AGBL4: variants seen among roughly 807,000 people sequenced by gnomAD.
The protein encoded by AGBL4 is cytosolic carboxypeptidase 6.
AGBL4 carries 58 observed loss-of-function variants against 66.4 expected under a neutral mutation model. That is an observed-to-expected ratio of 0.87 (90% CI 0.71 to 1.09). The LOEUF (loss-of-function observed/expected upper bound fraction) is 1.09, where lower values mean the gene tolerates loss of function less well. Among genes scored for constraint, AGBL4 ranks in the 50% least tolerant of loss-of-function variants. AGBL4 has a pLI of 0.00. For synonymous variants in AGBL4, 234 were observed against 222.9 expected, an observed-to-expected ratio of 1.05 and a Z score of -0.44; for missense variants, 579 against 631.0, an observed-to-expected ratio of 0.92 and a Z score of 0.88.
intron 4 of AGBL4, among the ~76,000 whole-genome samples, chr1:49,169,651 A>C (rs1320430793): frequency 6.6e-6 from 1 of 152,196 alleles, no homozygotes; most frequent in Non-Finnish European, 1.5e-5. Flanking sequence ...CATCCTGCTT[A>C]GGGGATGAAG....
intron 8 of AGBL4, chr1:48,647,620 CA>C: frequency 2.2e-6 from 1 of 453,024 alleles, no homozygotes; most frequent in South Asian, 1.6e-5. Context: ...TTAAGAAATG[CA>C]AACCCAACAC....
chr1:49,094,025 T>A (rs1159152208), intron 4 of AGBL4, among the ~76,000 whole-genome samples: 1 of 152,142 alleles, frequency 6.6e-6, no homozygotes, highest in Non-Finnish European at 1.5e-5. Context: ...ACAGAAAGTG[T>A]GACTTTTCGC....
intron 6 of AGBL4, among the ~76,000 whole-genome samples, chr1:48,786,229 T>A (rs1291678399): frequency 1.3e-5 from 2 of 152,230 alleles, no homozygotes; most frequent in Admixed American, 1.3e-4. Flanking sequence ...TGATAGGAAC[T>A]GTACTAACTG....
chr1:49,033,950 C>T (rs754668156), intron 5 of AGBL4, among the ~76,000 whole-genome samples: 52 of 151,774 alleles, frequency 3.4e-4, no homozygotes, highest in Non-Finnish European at 6.9e-4. Flanking sequence ...TAAAAGGCAT[C>T]CTAGTCCCAC....
At chr1:49,690,813 T>G (rs1425205962) in intron 3 of AGBL4, among the ~76,000 whole-genome samples, 1 of 152,164 alleles carries the variant, frequency 6.6e-6, no homozygotes, top group Non-Finnish European at 1.5e-5. Flanking sequence ...AGGCATTAAA[T>G]TTAGTGTTTT....
At chr1:49,578,461 T>C (rs1040686341) in intron 3 of AGBL4, among the ~76,000 whole-genome samples, 10 of 152,134 alleles carry the variant, frequency 6.6e-5, no homozygotes, top group Non-Finnish European at 1.0e-4. Context: ...GAATACAGAA[T>C]GGGTAGTCAT....
intron 3 of AGBL4, among the ~76,000 whole-genome samples, chr1:49,602,580 A>T (rs1644980505): frequency 6.6e-6 from 1 of 152,120 alleles, no homozygotes; most frequent in Admixed American, 6.6e-5. Context: ...TTCTCAGCAA[A>T]CTAACACAAG....
intron 6 of AGBL4, among the ~76,000 whole-genome samples, chr1:48,836,265 T>TC (rs1390601732): frequency 7.4e-6 from 1 of 134,890 alleles, no homozygotes; most frequent in Non-Finnish European, 1.5e-5. Flanking sequence ...AGCATCCCTC[T>TC]CACCCACCAG....
chr1:49,337,436 C>T (rs1645459050), intron 3 of AGBL4, among the ~76,000 whole-genome samples: 1 of 152,210 alleles, frequency 6.6e-6, no homozygotes, highest in South Asian at 2.1e-4. Context: ...AAGCCATTAA[C>T]ACCATACAAT....
intron 6 of AGBL4, among the ~76,000 whole-genome samples, chr1:48,672,871 C>A (rs992488616): frequency 6.6e-5 from 10 of 152,180 alleles, no homozygotes; most frequent in African/African-American, 2.4e-4. Context: ...GGTTACAATA[C>A]AACAGTCAAG....
At chr1:49,950,827 C>G (rs1440897261) in intron 1 of AGBL4, among the ~76,000 whole-genome samples, 1 of 151,734 alleles carries the variant, frequency 6.6e-6, no homozygotes, top group Non-Finnish European at 1.5e-5. Flanking sequence ...AATATGGAAT[C>G]AACCCAAGTG....
At chr1:48,641,769 C>G (rs758578296) in intron 8 of AGBL4, among the ~76,000 whole-genome samples, 1 of 152,142 alleles carries the variant, frequency 6.6e-6, no homozygotes, top group Non-Finnish European at 1.5e-5. Context: ...AGAGGCAGAG[C>G]TTGAACCCAG....
At chr1:49,745,080 TAAATGG>T (rs1558215150) in intron 2 of AGBL4, among the ~76,000 whole-genome samples, 1 of 152,112 alleles carries the variant, frequency 6.6e-6, no homozygotes, top group Non-Finnish European at 1.5e-5. Context: ...AAATTAAATG[TAAATGG>T]ATTAAGCACT....
At chr1:48,982,701 C>T (rs1659875586) in intron 5 of AGBL4, among the ~76,000 whole-genome samples, 2 of 152,022 alleles carry the variant, frequency 1.3e-5, no homozygotes, top group Admixed American at 1.3e-4. Context: ...ATTTATAATC[C>T]TTTGGGTATA....
chr1:49,673,606 T>A (rs999315383), intron 3 of AGBL4, among the ~76,000 whole-genome samples: 2 of 152,162 alleles, frequency 1.3e-5, no homozygotes, highest in Non-Finnish European at 2.9e-5. Flanking sequence ...AAACTTTTTT[T>A]AAATATTAAA....
intron 9 of AGBL4, among the ~76,000 whole-genome samples, chr1:48,602,685 G>T (rs866942821): frequency 2.0e-5 from 3 of 152,258 alleles, no homozygotes; most frequent in South Asian, 4.1e-4. Flanking sequence ...AAATAAAATG[G>T]TTCCTATCTG....
At chr1:49,606,390 G>A (rs1223947264) in intron 3 of AGBL4, among the ~76,000 whole-genome samples, 9 of 152,062 alleles carry the variant, frequency 5.9e-5, no homozygotes, top group Non-Finnish European at 1.2e-4. Flanking sequence ...ATAAGTGTTC[G>A]TGTGTTTCAT....
intron 2 of AGBL4, chr1:49,842,450 T>C (rs572027069): frequency 2.2e-6 from 2 of 898,458 alleles, no homozygotes; most frequent in South Asian, 6.9e-5. Context: ...GGTTTCTCTG[T>C]CTGCATGTGC....
intron 3 of AGBL4, among the ~76,000 whole-genome samples, chr1:49,435,821 GC>G (rs1450993822): frequency 6.6e-6 from 1 of 152,126 alleles, no homozygotes; most frequent in Non-Finnish European, 1.5e-5. Flanking sequence ...AGAAAATAGA[GC>G]TTAGTTAGAT....
Sources: allele counts gnomAD v4.1 joint callset (sites outside exome capture counted in the v4.1 genomes callset), GRCh38; gene constraint gnomAD v4.1.1; transcripts MANE v1.5; gene names NCBI Gene and HGNC (gene_info 2026-07-23, HGNC 2026-07-21).